Variants in ZBED1 observed in about 807,000 individuals in gnomAD.
The protein encoded by ZBED1 is E3 SUMO-protein ligase ZBED1.
In ZBED1, 19 loss-of-function variants were observed where a neutral mutation model predicts 49.7. The ratio of observed to expected loss-of-function variants is 0.38; its 90% confidence interval spans 0.27 to 0.56. ZBED1 has a LOEUF of 0.56. Ranked by LOEUF, ZBED1 falls within the 20% of genes least tolerant of loss-of-function variation. ZBED1 has a pLI of 0.70. For missense variants in ZBED1, 806 were observed against 972.6 expected, an observed-to-expected ratio of 0.83 and a Z score of 2.28; for synonymous variants, 439 against 440.3, an observed-to-expected ratio of 1.00 and a Z score of 0.04.
rs1490536343 is a variant in ZBED1, at chrX:2,490,711, A to G, written c.9T>C (p.Asn3=). The part of the protein sequence containing the change: ME[N]KSLESSQTDL... The stretch of plus-strand genomic sequence containing the variant: ...CTGTCTGGGAGCTCTCCAGGCTTTT[A>G]TTCTCCATTGCTTCTCCACCGGAGC... Residue 3 remains asparagine (N), a synonymous_variant, in exon 2 of 2, where the codon AAT becomes AAC. Transcript: ENST00000652001. 3.7e-6 allele frequency: 6 copies of G among 1,612,730 alleles called. No homozygotes were observed. The highest frequency in any genetic ancestry group is 1.7e-5 in the Admixed American group (1 of 59,896).
At chrX:2,495,333 A>G (rs1457455501) in intron 1 of ZBED1, among the ~76,000 whole-genome samples, 5 of 151,754 alleles carry the variant, frequency 3.3e-5, no homozygotes, top group African/African-American at 4.8e-5. Context: ...CCCCAGTACC[A>G]TGAACAAAGG....
rs1033229664 is a variant in ZBED1 at position 2,488,471 on chromosome X, G to A, written c.*164C>T. ...ATTATAGACAGGAGCCACCGCCCCCGACCCTCTCTCACTTCTCAAATCTCT... is the reference window on the plus strand; with the variant it reads ...ATTATAGACAGGAGCCACCGCCCCCAACCCTCTCTCACTTCTCAAATCTCT... On this transcript the variant is annotated 3_prime_UTR_variant, in exon 2 of 2. Transcript: ENST00000652001. The A allele has an allele frequency of 2.7e-5, 26 of 970,400 alleles. No individual in the cohort carries two copies. The highest frequency in any genetic ancestry group is 1.8e-4 in the African/African-American group (11 of 60,024). The allele number at this position is 970,400 out of a possible 1,614,324, so 60.1% of individuals were successfully genotyped here.
chrX:2,493,301 C>G (rs1232659216), intron 1 of ZBED1, among the ~76,000 whole-genome samples: 1 of 152,160 alleles, frequency 6.6e-6, no homozygotes, highest in Non-Finnish European at 1.5e-5. Context: ...CAGGACACAG[C>G]TGTATCAGAT....
chrX:2,489,365 G>A lies in ZBED1; in HGVS notation c.1355C>T (p.Ala452Val), dbSNP rs1171452464. ...CTGGTAGGTCTTGGAAAGCTCCTTG[G>A]CGATGACCTCCTTGGCCATGCTGAG... ...KELSMAKEVI[A>V]KELSKTYQET... Residue 452 changes from alanine to valine, a missense_variant, in exon 2 of 2, where the codon GCC becomes GTC. This residue lies in a region of ZBED1 where 749 missense variants were observed against 861.3 expected (regional missense o/e 0.87). Transcript: ENST00000652001. The A allele has an allele frequency of 6.2e-7, 1 of 1,613,928 alleles. No individual in the cohort carries two copies. Among genetic ancestry groups the A allele is most frequent in the African/African-American group, 1.3e-5 (1 of 75,030 alleles).
At chrX:2,490,884 C>A (rs2045119325) in intron 1 of ZBED1, 112 bp from the exon 2 acceptor site, 1 of 952,832 alleles carries the variant, frequency 1.0e-6, no homozygotes, top group Non-Finnish European at 1.6e-6. Context: ...CCAAAGGGCA[C>A]TGGGGCCGGA....
Position 2,490,078 on chromosome X carries a change from G to A in ZBED1, c.642C>T (p.Ala214=), listed in dbSNP as rs373123835. The change falls in exon 2 of 2, where the codon GCC becomes GCT. Residue 214 remains alanine, a synonymous_variant. Transcript: ENST00000652001. ...GGGCGCCCAGGCCCAGGAAGTGGGC[G>A]GCCAGCGTGACGTAGGCGCGGTTCT... The part of the protein sequence containing the change: ...ENQNRAYVTL[A]AHFLGLGAPN... 8 of 1,613,678 alleles carry A rather than the reference G, an allele frequency of 5.0e-6. No homozygotes were observed. The highest frequency in any genetic ancestry group is 2.2e-5 in the South Asian group (2 of 91,080).
Position 2,489,977 on chromosome X carries a change from G to T in ZBED1, c.743C>A (p.Thr248Lys), listed in dbSNP as rs775074298. Residue 248 changes from threonine (T) to lysine (K), a missense_variant, in exon 2 of 2, where the codon ACG (threonine) becomes AAG (lysine). Thr to Lys is a moderately conservative substitution (Grantham distance 78). Transcript: ENST00000652001. ...VPEENTAETI[T>K]RVLYEVFIEW... is the part of the protein sequence containing the mutation. ...GATGAAGACCTCATAGAGCACTCGCGTGATGGTCTCCGCCGTGTTCTCTTC... is the reference window on the plus strand; with the variant it reads ...GATGAAGACCTCATAGAGCACTCGCTTGATGGTCTCCGCCGTGTTCTCTTC... 1 of 1,613,790 alleles carries T rather than the reference G, an allele frequency of 6.2e-7. No homozygotes were observed. The highest frequency in any genetic ancestry group is 8.5e-7 in the Non-Finnish European group (1 of 1,179,882).
chrX:2,490,095 C>A lies in ZBED1; in HGVS notation c.625G>T (p.Ala209Ser), dbSNP rs760828953. The A allele has an allele frequency of 7.4e-6, 12 of 1,613,678 alleles. No individual in the cohort carries two copies. In the Admixed American group the frequency reaches 1.2e-4, roughly 16 times the overall value. The change falls in exon 2 of 2, where the codon GCC (alanine) becomes TCC (serine). Residue 209 changes from alanine (A) to serine (S), a missense_variant. Physicochemically the swap from Ala to Ser is moderately conservative, Grantham distance 99. Transcript: ENST00000652001. ...DMWRSENQNR[A>S]YVTLAAHFLG... Reference sequence around the variant, plus strand: ...AAGTGGGCGGCCAGCGTGACGTAGGCGCGGTTCTGATTCTCACTCCTCCAC... The same window carrying A: ...AAGTGGGCGGCCAGCGTGACGTAGGAGCGGTTCTGATTCTCACTCCTCCAC...
intron 1 of ZBED1, 62 bp from the exon 2 acceptor site, chrX:2,490,834 CG>C: frequency 7.0e-7 from 1 of 1,436,438 alleles, no homozygotes. Flanking sequence ...GGAGCCCTGC[CG>C]GGGAGACAGA....
chrX:2,500,668 C>T (rs2045403434), intron 1 of ZBED1, 149 bp downstream of exon 1: 1 of 151,044 alleles, frequency 6.6e-6, no homozygotes, highest in Admixed American at 6.7e-5. Context: ...CCCCCCCACC[C>T]CCGGCCACAC....
At chrX:2,498,492 C>T (rs2045334722) in intron 1 of ZBED1, among the ~76,000 whole-genome samples, 1 of 152,162 alleles carries the variant, frequency 6.6e-6, no homozygotes, top group Non-Finnish European at 1.5e-5. Context: ...GGGCAAGCCA[C>T]TTAAGTTAAT....
intron 1 of ZBED1, among the ~76,000 whole-genome samples, chrX:2,491,341 A>G (rs781422784): frequency 6.6e-6 from 1 of 152,222 alleles, no homozygotes; most frequent in East Asian, 1.9e-4. Flanking sequence ...AAGTGCTGGG[A>G]TGACAGGCGT....
At position 2,490,155 on chromosome X, in the gene ZBED1, C is replaced by T; in HGVS notation, c.565G>A (p.Ala189Thr). ...GAGATGCCACACCAGGTGGCCTCGG[C>T]CAGCTCCTTCAGGATCACCTCCCGG... is the stretch of plus-strand genomic sequence containing the variant. Reference protein sequence around the residue: ...AVREVILKELAEATWCGISTD... With the variant: ...AVREVILKELTEATWCGISTD... Residue 189 changes from alanine to threonine, a missense_variant, in exon 2 of 2, where the codon GCC becomes ACC. By Grantham distance (58) the Ala-to-Thr change is moderately conservative. Around this residue, in one of 2 missense-constraint regions of ZBED1, gnomAD observed 749 missense variants for 861.3 expected, o/e 0.87. Coordinates refer to ENST00000652001, the MANE Select transcript of ZBED1 (RefSeq NM_001171136.2). The T allele has an allele frequency of 6.2e-7, 1 of 1,613,960 alleles. No individual in the cohort carries two copies.
intron 1 of ZBED1, among the ~76,000 whole-genome samples, chrX:2,497,085 G>T (rs1439204669): frequency 7.3e-5 from 11 of 151,662 alleles, no homozygotes; most frequent in African/African-American, 1.2e-4. Flanking sequence ...CATTTTTTTT[G>T]AAAGAGATTC....
At position 2,486,641 on chromosome X, in the gene ZBED1, T is replaced by C. The variant is rs2044940355; in HGVS notation, c.*1994A>G. On this transcript the variant is annotated 3_prime_UTR_variant, in exon 2 of 2. Transcript: ENST00000652001. ...CTACAGAATGGAGCCCACGGAGGCG[T>C]GGGCTGCCCTGCGTCCCCGGCCTCG... 1 of 152,144 alleles carries C rather than the reference T, an allele frequency of 6.6e-6. No individual in the cohort carries two copies. The highest frequency in any genetic ancestry group is 1.5e-5 in the Non-Finnish European group (1 of 68,034). 9.4% of individuals were successfully genotyped at this position (152,144 alleles called of 1,614,324 possible). A position where few individuals can be genotyped will look rare whatever the true frequency, so the allele number is the denominator to read the frequency against.
In ZBED1 at chrX:2,486,963, G is replaced by A. The variant is rs746873106; in HGVS notation, c.*1672C>T. 4 of 152,290 alleles carry A rather than the reference G, an allele frequency of 2.6e-5. No homozygotes were observed. The South Asian group carries it at 8.3e-4, about 32-fold the overall frequency. 9.4% of individuals were successfully genotyped at this position (152,290 alleles called of 1,614,324 possible). A position where few individuals can be genotyped will look rare whatever the true frequency, so the allele number is the denominator to read the frequency against. ...GTTCTTGGGGTCTCGGCAGAACACT[G>A]CCTGGAGCTGAGTGGGGTCATCCCT... On this transcript the variant is annotated 3_prime_UTR_variant, in exon 2 of 2. Coordinates refer to ENST00000652001, the MANE Select transcript of ZBED1 (RefSeq NM_001171136.2).
At position 2,489,462 on chromosome X, in the gene ZBED1, T is replaced by C. The variant is rs755357897; in HGVS notation, c.1258A>G (p.Ser420Gly). ...ATGTGCAGCAGCGGCTTCACCATGCTGATGGTGGGGTACCTGGAGGCCGAC... is the reference window on the plus strand; with the variant it reads ...ATGTGCAGCAGCGGCTTCACCATGCCGATGGTGGGGTACCTGGAGGCCGAC... ...MLSASRYPTISMVKPLLHMLL... is the reference protein window; with the variant it reads ...MLSASRYPTIGMVKPLLHMLL... The change falls in exon 2 of 2, where the codon AGC becomes GGC. Residue 420 changes from serine (S) to glycine (G), a missense_variant. Coordinates refer to ENST00000652001, the MANE Select transcript of ZBED1 (RefSeq NM_001171136.2). 6 of 1,613,826 alleles carry C rather than the reference T, an allele frequency of 3.7e-6. No individual in the cohort carries two copies. The highest frequency in any genetic ancestry group is 2.2e-5 in the East Asian group (1 of 44,860).
intron 1 of ZBED1, among the ~76,000 whole-genome samples, chrX:2,496,913 CAATA>C (rs2045300368): frequency 6.7e-6 from 1 of 148,648 alleles, no homozygotes. Context: ...AATATAAAAA[CAATA>C]AATATATTAC....
rs1229892303 is a variant in ZBED1, at chrX:2,488,492, T to A, written c.*143A>T. 1.7e-6 allele frequency: 2 copies of A among 1,158,670 alleles called. No individual in the cohort carries two copies. Among genetic ancestry groups the A allele is most frequent in the African/African-American group, 3.1e-5 (2 of 63,858 alleles). 71.8% of individuals were successfully genotyped at this position (1,158,670 alleles called of 1,614,324 possible). On this transcript the variant is annotated 3_prime_UTR_variant, in exon 2 of 2. Coordinates refer to ENST00000652001, the MANE Select transcript of ZBED1 (RefSeq NM_001171136.2). ...CCCCGACCCTCTCTCACTTCTCAAA[T>A]CTCTTTCCTTTTTCCACCTTCTAGG...
Sources: gnomAD v4.1 joint callset for allele counts (sites outside exome capture counted in the v4.1 genomes callset) on GRCh38, gnomAD v4.1.1 for gene constraint, gnomAD v4.1.1 regional missense constraint, MANE v1.5 for transcripts, NCBI Gene and HGNC (gene_info 2026-07-23, HGNC 2026-07-21) for gene names.